Variants in PRIM2 observed in about 807,000 individuals in gnomAD.
The protein encoded by PRIM2 is DNA primase large subunit.
In PRIM2, 39 loss-of-function variants were observed where a neutral mutation model predicts 67.3. The observed-to-expected ratio is 0.58, with a 90% CI of 0.45 to 0.76. PRIM2 has a LOEUF of 0.76. PRIM2 is among the 30% of genes least tolerant of loss of function. The probability of loss-of-function intolerance (pLI) is 0.00; values close to 1 mark genes in which losing one functional copy is unlikely to be tolerated. For synonymous variants in PRIM2, 143 were observed against 198.7 expected, an observed-to-expected ratio of 0.72 and a Z score of 2.36; for missense variants, 398 against 598.7, an observed-to-expected ratio of 0.66 and a Z score of 3.50.
intron 7 of PRIM2, among the ~76,000 whole-genome samples, chr6:57,423,393 G>C (rs1398474821): frequency 6.6e-6 from 1 of 152,100 alleles, no homozygotes; most frequent in Non-Finnish European, 1.5e-5. Context: ...GCAGTTGAAG[G>C]TTAACATGAA....
At chr6:57,350,165 GTTCT>G (rs1768814788) in intron 5 of PRIM2, among the ~76,000 whole-genome samples, 1 of 152,122 alleles carries the variant, frequency 6.6e-6, no homozygotes, top group African/African-American at 2.4e-5. Context: ...GGGATATTCA[GTTCT>G]TTCTATTTCC....
At chr6:57,323,871 G>A (rs1240809251) in intron 3 of PRIM2, among the ~76,000 whole-genome samples, 2 of 152,050 alleles carry the variant, frequency 1.3e-5, no homozygotes, top group African/African-American at 4.8e-5. Flanking sequence ...TAGGAGTCTT[G>A]AAACCAGGAG....
chr6:57,543,672 G>A (rs1392220461), intron 10 of PRIM2, among the ~76,000 whole-genome samples: 6 of 152,128 alleles, frequency 3.9e-5, no homozygotes, highest in Non-Finnish European at 8.8e-5. Context: ...TTCTAATGCA[G>A]CTCTGTTCTT....
the PRIM2 span, among the ~76,000 whole-genome samples, chr6:57,227,838 C>G: frequency 6.6e-6 from 1 of 152,114 alleles, no homozygotes. Flanking sequence ...TCCACTTGCC[C>G]ATTCCCTGGA....
intron 13 of PRIM2, among the ~76,000 whole-genome samples, chr6:57,638,995 A>G (rs1777177138): frequency 1.3e-5 from 2 of 152,350 alleles, no homozygotes; most frequent in African/African-American, 4.8e-5. Flanking sequence ...AAAATTGACC[A>G]CATAATTAGA....
chr6:57,518,115 A>C (rs1774524007), intron 8 of PRIM2, among the ~76,000 whole-genome samples: 1 of 152,206 alleles, frequency 6.6e-6, no homozygotes, highest in African/African-American at 2.4e-5. Context: ...AATTGTTTCT[A>C]ATTACTATTT....
chr6:57,435,982 C>T (rs1416985279), intron 7 of PRIM2, among the ~76,000 whole-genome samples: 1 of 152,204 alleles, frequency 6.6e-6, no homozygotes, highest in African/African-American at 2.4e-5. Context: ...TGCCAAATTA[C>T]ATTCAGAGGC....
intron 7 of PRIM2, among the ~76,000 whole-genome samples, chr6:57,418,261 T>G (rs562571933): frequency 6.6e-6 from 1 of 152,000 alleles, no homozygotes; most frequent in East Asian, 1.9e-4. Context: ...AGAACAAAGT[T>G]TATTTTGGTC....
chr6:57,413,259 A>G (rs1771149339), intron 7 of PRIM2, among the ~76,000 whole-genome samples: 2 of 151,990 alleles, frequency 1.3e-5, no homozygotes, highest in Non-Finnish European at 2.9e-5. Context: ...CTTAGGGGAG[A>G]AGGAAAAAAT....
At chr6:57,382,261 G>C in intron 7 of PRIM2, 93 bp downstream of exon 7, 1 of 1,334,048 alleles carries the variant, frequency 7.5e-7, no homozygotes, top group East Asian at 2.4e-5. Flanking sequence ...TAGGAAATAA[G>C]TTAATTCAGT....
chr6:57,637,567 T>A (rs1777143318), intron 13 of PRIM2, among the ~76,000 whole-genome samples: 1 of 151,828 alleles, frequency 6.6e-6, no homozygotes, highest in Non-Finnish European at 1.5e-5. Context: ...ATAAATGACC[T>A]GATGGAACTG....
intron 10 of PRIM2, among the ~76,000 whole-genome samples, chr6:57,541,138 C>G (rs1734034130): frequency 6.6e-6 from 1 of 152,154 alleles, no homozygotes; most frequent in African/African-American, 2.4e-5. Context: ...AGGTCTCCAG[C>G]TAAGGTTGAG....
At chr6:57,522,677 C>G (rs1396754997) in intron 8 of PRIM2, among the ~76,000 whole-genome samples, 2 of 152,054 alleles carry the variant, frequency 1.3e-5, no homozygotes, top group Admixed American at 6.5e-5. Flanking sequence ...TATGTAATCA[C>G]TATGAAAAAT....
intron 5 of PRIM2, among the ~76,000 whole-genome samples, chr6:57,370,301 A>G (rs1273297058): frequency 6.6e-6 from 1 of 152,210 alleles, no homozygotes; most frequent in Non-Finnish European, 1.5e-5. Context: ...AAATATCCTT[A>G]TATTTTGTCC....
At chr6:57,471,795 T>C (rs1211953605) in intron 7 of PRIM2, among the ~76,000 whole-genome samples, 2 of 152,292 alleles carry the variant, frequency 1.3e-5, no homozygotes, top group African/African-American at 2.4e-5. Context: ...AAAAATGAAG[T>C]ATATGCTTTG....
Position 57,387,101 on chromosome 6 carries a change from T to C in PRIM2, c.693+4933T>C, listed in dbSNP as rs544534745. On this transcript the variant is annotated intron_variant, in intron 7 of 13. Transcript: ENST00000615550. ...ACCTTCCCTTTAAGTCCCAAGATTGTGCTAAGTATATCTCCTTTGTGTTCC... is the reference window on the plus strand; with the variant it reads ...ACCTTCCCTTTAAGTCCCAAGATTGCGCTAAGTATATCTCCTTTGTGTTCC... Among the ~76,000 whole-genome samples the C allele has an allele frequency of 4.7e-3, 723 of 152,342 alleles. 2 individuals carry two copies. The highest frequency in any genetic ancestry group is 8.0e-3 in the Non-Finnish European group (547 of 68,034).
chr6:57,586,960 C>T (rs1272437211), intron 10 of PRIM2: 1 of 152,108 alleles, frequency 6.6e-6, no homozygotes, highest in Non-Finnish European at 1.5e-5. Flanking sequence ...CTACAATAGC[C>T]CACAAGATCC....
At chr6:57,259,776 C>T in the PRIM2 span, among the ~76,000 whole-genome samples, 1 of 152,192 alleles carries the variant, frequency 6.6e-6, no homozygotes, top group South Asian at 2.1e-4. Context: ...CTTTCACCTC[C>T]ACCCTCGCCC....
intron 5 of PRIM2, among the ~76,000 whole-genome samples, chr6:57,333,877 A>T (rs1346915445): frequency 6.6e-6 from 1 of 152,220 alleles, no homozygotes; most frequent in African/African-American, 2.4e-5. Flanking sequence ...TAGCTAATTA[A>T]CAAATGTATT....
Sources: gnomAD v4.1 joint callset for allele counts (sites outside exome capture counted in the v4.1 genomes callset) on GRCh38, gnomAD v4.1.1 for gene constraint, MANE v1.5 for transcripts, NCBI Gene and HGNC (gene_info 2026-07-23, HGNC 2026-07-21) for gene names.